PIK3AP1: variants seen among roughly 807,000 people sequenced by gnomAD.
PIK3AP1 encodes the protein phosphoinositide 3-kinase adapter protein 1.
A neutral mutation model predicts 88.1 loss-of-function variants in PIK3AP1; 21 were observed. That is an observed-to-expected ratio of 0.24 (90% CI 0.17 to 0.34). The LOEUF (loss-of-function observed/expected upper bound fraction) is 0.34. Among genes scored for constraint, PIK3AP1 ranks in the 10% least tolerant of loss-of-function variants. The probability of loss-of-function intolerance (pLI) is 1.00; values close to 1 mark genes in which losing one functional copy is unlikely to be tolerated. For missense variants in PIK3AP1, 828 were observed against 1,035.7 expected (o/e 0.80, Z 2.75); for synonymous variants, 398 against 400.0 (o/e 1.00, Z 0.06).
chr10:96,677,374 T>A (rs1843937779), intron 2 of PIK3AP1, among the ~76,000 whole-genome samples: 1 of 152,168 alleles, frequency 6.6e-6, no homozygotes, highest in Non-Finnish European at 1.5e-5. Flanking sequence ...TTGGGCGTTC[T>A]CACACTCATA....
intron 8 of PIK3AP1, among the ~76,000 whole-genome samples, chr10:96,635,691 C>T (rs975800217): frequency 2.0e-5 from 3 of 151,964 alleles, no homozygotes; most frequent in Admixed American, 6.6e-5. Context: ...GATCACCTGA[C>T]GTCAGGAGTT....
In PIK3AP1 at chr10:96,703,305, T is replaced by C. The variant is rs146415996; in HGVS notation, c.430+6262A>G. Reference sequence around the variant, plus strand: ...TCCCATGGAAATCAAAGGCAAAATATATGATACTTGTGGGTACCATGAGAG... The same window carrying C: ...TCCCATGGAAATCAAAGGCAAAATACATGATACTTGTGGGTACCATGAGAG... On this transcript the variant is annotated intron_variant, in intron 2 of 16. Coordinates refer to ENST00000339364, the MANE Select transcript of PIK3AP1 (RefSeq NM_152309.3). Among the ~76,000 whole-genome samples, 628 of 152,266 alleles carry C rather than the reference T, an allele frequency of 4.1e-3. 3 individuals are homozygous for C. Among genetic ancestry groups the C allele is most frequent in the African/African-American group, 0.014 (596 of 41,536 alleles).
chr10:96,691,647 C>T (rs1844156527), intron 2 of PIK3AP1, among the ~76,000 whole-genome samples: 1 of 152,094 alleles, frequency 6.6e-6, no homozygotes, highest in East Asian at 1.9e-4. Context: ...GCAGAATTTC[C>T]CAACTGGTCT....
In PIK3AP1 at chr10:96,651,509, C is replaced by T; in HGVS notation, c.855G>A (p.Gln285=). The change falls in exon 5 of 17, where the codon CAG becomes CAA. Residue 285 remains glutamine (Q), a splice_region_variant and synonymous_variant. Coordinates refer to ENST00000339364, the MANE Select transcript of PIK3AP1 (RefSeq NM_152309.3). ...TCAGGTTTCCTTGTAATATCCTTACCTGACACATGAATTCCACAGGATTCG... is the reference window on the plus strand; with the variant it reads ...TCAGGTTTCCTTGTAATATCCTTACTTGACACATGAATTCCACAGGATTCG... ...NAANPVEFMC[Q]AFKIVPYNTE... is the part of the protein sequence containing the mutation. 6.2e-7 allele frequency: 1 copy of T among 1,614,184 alleles called. No individual in the cohort carries two copies. Among genetic ancestry groups the T allele is most frequent in the Non-Finnish European group, 8.5e-7 (1 of 1,180,036 alleles).
intron 8 of PIK3AP1, among the ~76,000 whole-genome samples, chr10:96,639,801 T>C (rs1843360055): frequency 6.6e-6 from 1 of 152,136 alleles, no homozygotes; most frequent in African/African-American, 2.4e-5. Flanking sequence ...GGGAGGCTCC[T>C]GAGAGAAAAG....
intron 9 of PIK3AP1, 152 bp from the exon 10 acceptor site, chr10:96,627,057 C>G: frequency 1.4e-6 from 1 of 696,792 alleles, no homozygotes; most frequent in East Asian, 2.7e-5. Flanking sequence ...ATCGTCTGCT[C>G]AGAACACCAC....
At chr10:96,625,853 A>C (rs534301920) in intron 10 of PIK3AP1, among the ~76,000 whole-genome samples, 1 of 152,262 alleles carries the variant, frequency 6.6e-6, no homozygotes, top group African/African-American at 2.4e-5. Flanking sequence ...GGCTCAAGCA[A>C]TCCTTCCACC....
At position 96,720,277 on chromosome 10, in the gene PIK3AP1, G is replaced by A. The variant is rs1313236370; in HGVS notation, c.13+105C>T. 5.4e-6 allele frequency: 6 copies of A among 1,108,248 alleles called. No homozygotes were observed. Among genetic ancestry groups the A allele is most frequent in the African/African-American group, 4.9e-5 (3 of 61,678 alleles). 68.7% of individuals were successfully genotyped at this position (1,108,248 alleles called of 1,614,324 possible). On this transcript the variant is annotated intron_variant, in intron 1 of 16. Coordinates refer to ENST00000339364, the MANE Select transcript of PIK3AP1 (RefSeq NM_152309.3). This position sits in a 1 kb window ranked among gnomAD's most constrained non-coding sequence, Gnocchi z 4.6. ...AGAGCAGAAAGAGGGCAAGATCCCC[G>A]CACAGAGGACGCAAACAGAAGCAAG...
intron 2 of PIK3AP1, chr10:96,700,705 G>T: frequency 1.6e-6 from 1 of 629,688 alleles, no homozygotes; most frequent in Non-Finnish European, 2.0e-6. Context: ...CACCAGGACA[G>T]CAGCACCACA....
rs867436682 is a variant in PIK3AP1 at position 96,636,972 on chromosome 10, A to G, written c.1376-8479T>C. Among the ~76,000 whole-genome samples, 31 of 152,368 alleles carry G rather than the reference A, an allele frequency of 2.0e-4. No homozygotes were observed. In the Middle Eastern group the frequency reaches 0.02, roughly 100 times the overall value. On this transcript the variant is annotated intron_variant, in intron 8 of 16. Transcript: ENST00000339364. ...CTTAGCTGCAGTGGAAACTCCATCC[A>G]GATTATATGCTGTTAATTTAATAGA...
chr10:96,608,286 T>G (rs925362554), intron 14 of PIK3AP1, among the ~76,000 whole-genome samples: 4 of 152,216 alleles, frequency 2.6e-5, no homozygotes, highest in East Asian at 1.9e-4. Flanking sequence ...GAGACAGAGA[T>G]AGCCACCTGT....
chr10:96,616,821 C>A, intron 12 of PIK3AP1, 110 bp from the exon 13 acceptor site: 2 of 1,041,506 alleles, frequency 1.9e-6, no homozygotes, highest in Non-Finnish European at 1.5e-6. Context: ...ACATTGCAGT[C>A]ACATTTACAA....
chr10:96,613,386 T>C (rs981416655), intron 13 of PIK3AP1, among the ~76,000 whole-genome samples: 3 of 152,164 alleles, frequency 2.0e-5, no homozygotes, highest in African/African-American at 7.2e-5. Context: ...AGGAGGCCCT[T>C]GGGGCTGTCA....
At chr10:96,718,262 C>T (rs1451814931) in intron 1 of PIK3AP1, among the ~76,000 whole-genome samples, 1 of 152,194 alleles carries the variant, frequency 6.6e-6, no homozygotes, top group Admixed American at 6.5e-5. Context: ...CTAAAAACCA[C>T]TGAATTGTAT....
chr10:96,648,802 G>A lies in PIK3AP1; in HGVS notation c.1042C>T (p.Leu348=). 6.2e-7 allele frequency: 1 copy of A among 1,601,702 alleles called. No individual in the cohort carries two copies. The highest frequency in any genetic ancestry group is 8.5e-7 in the Non-Finnish European group (1 of 1,174,876). The change falls in exon 7 of 17, where the codon CTG becomes TTG. Residue 348 remains leucine (L), a synonymous_variant. Coordinates refer to ENST00000339364, the MANE Select transcript of PIK3AP1 (RefSeq NM_152309.3). ...TLLHFAAKYG[L]KNLTALLLTC... ...AGCAACAAGGCAGTGAGGTTCTTCA[G>A]TCCATACTTCGCAGCAAAATGCAAC...
intron 2 of PIK3AP1, among the ~76,000 whole-genome samples, chr10:96,690,477 T>TA (rs1455818221): frequency 6.6e-6 from 1 of 152,148 alleles, no homozygotes; most frequent in Admixed American, 6.5e-5. Flanking sequence ...TTTCCCTGGC[T>TA]AGTCTTAGAC....
chr10:96,613,058 G>A (rs913630040), intron 13 of PIK3AP1, among the ~76,000 whole-genome samples: 2 of 137,184 alleles, frequency 1.5e-5, no homozygotes, highest in Admixed American at 8.2e-5. Flanking sequence ...GAGTGCAGTG[G>A]TGCGATCTTG....
At chr10:96,663,193 T>C (rs1396774710) in intron 2 of PIK3AP1, among the ~76,000 whole-genome samples, 11 of 152,088 alleles carry the variant, frequency 7.2e-5, no homozygotes, top group Non-Finnish European at 1.5e-5. Context: ...TCTGAGGTGA[T>C]GAAAATATTC....
At chr10:96,680,734 C>T (rs780816461) in intron 2 of PIK3AP1, among the ~76,000 whole-genome samples, 27 of 152,150 alleles carry the variant, frequency 1.8e-4, no homozygotes, top group Non-Finnish European at 3.5e-4. Flanking sequence ...GTTGAGTCTA[C>T]GTCTTTGGTA....
Sources: allele counts gnomAD v4.1 joint callset (sites outside exome capture counted in the v4.1 genomes callset), GRCh38; gene constraint gnomAD v4.1.1; non-coding constraint Gnocchi (gnomAD v3.1); transcripts MANE v1.5; gene names NCBI Gene and HGNC (gene_info 2026-07-23, HGNC 2026-07-21).